Variants in FBXO2 observed in about 807,000 individuals in gnomAD.
FBXO2 encodes F-box only protein 2.
A neutral mutation model predicts 38.6 loss-of-function variants in FBXO2; 32 were observed. The observed-to-expected ratio is 0.83, with a 90% CI of 0.62 to 1.11. The LOEUF (loss-of-function observed/expected upper bound fraction) is 1.11. Ranked by LOEUF, FBXO2 falls within the 50% of genes most tolerant of loss-of-function variation. The probability of loss-of-function intolerance (pLI) is 0.00; values close to 1 mark genes in which losing one functional copy is unlikely to be tolerated. For missense variants in FBXO2, 450 were observed against 418.3 expected, an observed-to-expected ratio of 1.08 and a Z score of -0.66; for synonymous variants, 189 against 182.9, an observed-to-expected ratio of 1.03 and a Z score of -0.27.
intron 1 of FBXO2, 134 bp from the exon 2 acceptor site, chr1:11,650,968 TC>T: frequency 7.7e-7 from 1 of 1,297,664 alleles, no homozygotes; most frequent in Non-Finnish European, 1.0e-6. Flanking sequence ...ATTCTGTGAC[TC>T]CATACTGGTG....
chr1:11,652,590 G>A (rs144691017), intron 1 of FBXO2, among the ~76,000 whole-genome samples: 746 of 152,338 alleles, frequency 4.9e-3, no homozygotes, highest in Non-Finnish European at 8.0e-3. Flanking sequence ...TGAGTAAGTG[G>A]ACACCGAGTG....
chr1:11,648,754 G>C lies in FBXO2; in HGVS notation c.831C>G (p.Val277=), dbSNP rs368292378. 2.2e-5 allele frequency: 35 copies of C among 1,613,562 alleles called. No homozygotes were observed. In the African/African-American group the frequency reaches 4.7e-4, roughly 22 times the overall value. ...VRFEHGGQDS[V]YWKGWFGARV... ...GGGCCCCGAACCAGCCCTTCCAGTAGACGGAGTCCTGCCCCCCGTGCTCGA... is the reference window on the plus strand; with the variant it reads ...GGGCCCCGAACCAGCCCTTCCAGTACACGGAGTCCTGCCCCCCGTGCTCGA... The change falls in exon 6 of 6, where the codon GTC becomes GTG. Residue 277 remains valine, a synonymous_variant. Transcript: ENST00000354287. The surrounding 1 kb of genome is among the most constrained non-coding windows in gnomAD (Gnocchi z 4.2).
intron 1 of FBXO2, chr1:11,653,484 G>C (rs1639578081): frequency 6.6e-6 from 1 of 152,462 alleles, no homozygotes; most frequent in South Asian, 2.1e-4. Context: ...CCAGAAGGCC[G>C]TGGATTGGGA....
At chr1:11,653,562 A>C (rs988877337) in intron 1 of FBXO2, 10 of 152,162 alleles carry the variant, frequency 6.6e-5, no homozygotes, top group African/African-American at 2.4e-4. Context: ...GGGGGGCCTG[A>C]GCTTTCATCA....
At position 11,648,835 on chromosome 1, in the gene FBXO2, G is replaced by T; in HGVS notation, c.757-7C>A. 6.2e-7 allele frequency: 1 copy of T among 1,613,492 alleles called. No individual in the cohort carries two copies. The highest frequency in any genetic ancestry group is 8.5e-7 in the Non-Finnish European group (1 of 1,179,942). ...CGGTGAAGGTGTGGGAGATCTGGGG[G>T]TGGAGGTAACAAGAGTCAGCCTCGG... On this transcript the variant is annotated splice_region_variant and splice_polypyrimidine_tract_variant and intron_variant, in intron 5 of 5. Coordinates refer to ENST00000354287, the MANE Select transcript of FBXO2 (RefSeq NM_012168.6). This position sits in a 1 kb window ranked among gnomAD's most constrained non-coding sequence, Gnocchi z 4.2.
intron 2 of FBXO2, 53 bp from the exon 3 acceptor site, chr1:11,650,127 C>T: frequency 1.2e-6 from 2 of 1,603,786 alleles, no homozygotes; most frequent in South Asian, 1.1e-5. Context: ...CTAAGGCTGG[C>T]TCTTGCCACT....
chr1:11,651,583 C>T (rs765602721), intron 1 of FBXO2, among the ~76,000 whole-genome samples: 6 of 152,330 alleles, frequency 3.9e-5, no homozygotes, highest in South Asian at 4.1e-4. Context: ...CAGGATCACA[C>T]GGCTAATCAG....
chr1:11,648,782 C>T lies in FBXO2; in HGVS notation c.803G>A (p.Arg268His). ...TDYGPGVRFV[R>H]FEHGGQDSVY... ...GGAGTCCTGCCCCCCGTGCTCGAAG[C>T]GGACGAAGCGGACGCCCGGCCCGTA... Residue 268 changes from arginine to histidine, a missense_variant, in exon 6 of 6, where the codon CGC becomes CAC. By Grantham distance (29) the Arg-to-His change is conservative. Transcript: ENST00000354287. The surrounding 1 kb of genome is among the most constrained non-coding windows in gnomAD (Gnocchi z 4.2). 6.2e-7 allele frequency: 1 copy of T among 1,613,714 alleles called. No individual in the cohort carries two copies. Among genetic ancestry groups the T allele is most frequent in the Non-Finnish European group, 8.5e-7 (1 of 1,180,016 alleles).
chr1:11,652,778 C>T (rs943694169), intron 1 of FBXO2, among the ~76,000 whole-genome samples: 18 of 152,290 alleles, frequency 1.2e-4, no homozygotes, highest in African/African-American at 3.8e-4. Flanking sequence ...TGGCAGGACC[C>T]AGACCCAAGT....
chr1:11,650,758 C>A lies in FBXO2; in HGVS notation c.99G>T (p.Glu33Asp), dbSNP rs1160919295. The A allele has an allele frequency of 6.5e-7, 1 of 1,532,078 alleles. No individual in the cohort carries two copies. The highest frequency in any genetic ancestry group is 2.0e-5 in the Admixed American group (1 of 50,748). 94.9% of individuals were successfully genotyped at this position (1,532,078 alleles called of 1,614,324 possible). Residue 33 changes from glutamate (E) to aspartate (D), a missense_variant, in exon 2 of 6, where the codon GAG (glutamate) becomes GAT (aspartate). Glu to Asp is a conservative substitution (Grantham distance 45). Coordinates refer to ENST00000354287, the MANE Select transcript of FBXO2 (RefSeq NM_012168.6). ...CCGCCGCCTCCTCCTCCTGCTGGTC[C>A]TCCGGCCGCTCCTCCTCAGCACTCG... is the stretch of plus-strand genomic sequence containing the variant. ...EEASAEEERP[E>D]DQQEEEAAAA...
intron 1 of FBXO2, among the ~76,000 whole-genome samples, chr1:11,652,243 T>C (rs1205940419): frequency 6.6e-6 from 1 of 152,056 alleles, no homozygotes; most frequent in African/African-American, 2.4e-5. Context: ...CTTCAGGGGC[T>C]GGAGAACAGA....
intron 2 of FBXO2, 143 bp downstream of exon 2, chr1:11,650,323 T>C: frequency 1.4e-6 from 2 of 1,422,778 alleles, no homozygotes; most frequent in Non-Finnish European, 1.9e-6. Context: ...GCCAGAGAGC[T>C]ACAGTAATAG....
rs185536551 is a variant in FBXO2, at chr1:11,652,526, G to A, written c.23-1692C>T. ...AAGGAGGCAGGCAGATGTCACCGCG[G>A]CAGCCGGACTGTCTCTTGCATCCCA... On this transcript the variant is annotated intron_variant, in intron 1 of 5. Coordinates refer to ENST00000354287, the MANE Select transcript of FBXO2 (RefSeq NM_012168.6). Among the ~76,000 whole-genome samples, 17 of 152,348 alleles carry A rather than the reference G, an allele frequency of 1.1e-4. No individual in the cohort carries two copies. The East Asian group carries it at 3.1e-3, about 28-fold the overall frequency.
intron 5 of FBXO2, 83 bp downstream of exon 5, chr1:11,649,004 A>AGCCCAGCCCC: frequency 7.8e-7 from 1 of 1,283,838 alleles, no homozygotes; most frequent in Non-Finnish European, 1.1e-6. Context: ...ACCCCAGCCC[A>AGCCCAGCCCC]GGAGCGCTGT....
chr1:11,650,696 A>G lies in FBXO2; in HGVS notation c.161T>C (p.Leu54Pro). The stretch of plus-strand genomic sequence containing the variant: ...CAGTGCGGCCAGCACGCGCAGCAGC[A>G]GCGGCTCGGGCAGCTCGTCCAGGTA... Reference protein sequence around the residue: ...AAYLDELPEPLLLRVLAALPA... With the variant: ...AAYLDELPEPPLLRVLAALPA... The change falls in exon 2 of 6, where the codon CTG becomes CCG. Residue 54 changes from leucine to proline, a missense_variant. Transcript: ENST00000354287. 2.0e-6 allele frequency: 3 copies of G among 1,532,626 alleles called. No homozygotes were observed. The highest frequency in any genetic ancestry group is 2.6e-6 in the Non-Finnish European group (3 of 1,145,348). 94.9% of individuals were successfully genotyped at this position (1,532,626 alleles called of 1,614,324 possible).
Position 11,650,794 on chromosome 1 carries a change from C to A in FBXO2, c.63G>T (p.Gln21His), listed in dbSNP as rs1265318507. The change falls in exon 2 of 6, where the codon CAG becomes CAT. Residue 21 changes from glutamine to histidine, a missense_variant. Gln to His is a conservative substitution (Grantham distance 24, BLOSUM62 0). Coordinates refer to ENST00000354287, the MANE Select transcript of FBXO2 (RefSeq NM_012168.6). ...GQPEEASPEEQPEEASAEEER... is the reference protein window; with the variant it reads ...GQPEEASPEEHPEEASAEEER... ...CCTCCTCAGCACTCGCCTCCTCTGG[C>A]TGCTCCTCCGGGCTTGCCTCCTCGG... is the stretch of plus-strand genomic sequence containing the variant. The A allele has an allele frequency of 6.5e-7, 1 of 1,538,996 alleles. No individual in the cohort carries two copies. The highest frequency in any genetic ancestry group is 2.5e-5 in the East Asian group (1 of 40,816).
chr1:11,650,315 C>T, intron 2 of FBXO2, 151 bp downstream of exon 2: 1 of 1,410,712 alleles, frequency 7.1e-7, no homozygotes, highest in Non-Finnish European at 9.3e-7. Flanking sequence ...CACAGGTGGC[C>T]AGAGAGCTAC....
chr1:11,649,740 C>A, intron 4 of FBXO2, 39 bp downstream of exon 4: 1 of 1,602,520 alleles, frequency 6.2e-7, no homozygotes, highest in Non-Finnish European at 8.5e-7. Context: ...TGCCTTACCC[C>A]GCTCCTCCCA....
intron 1 of FBXO2, among the ~76,000 whole-genome samples, chr1:11,652,619 G>C (rs1639544387): frequency 1.3e-5 from 2 of 152,228 alleles, no homozygotes. Context: ...GCCTGGACGA[G>C]GGAGAGCCAG....
Sources: gnomAD v4.1 joint callset for allele counts (sites outside exome capture counted in the v4.1 genomes callset) on GRCh38, gnomAD v4.1.1 for gene constraint, Gnocchi (gnomAD v3.1) non-coding constraint, MANE v1.5 for transcripts, NCBI Gene and HGNC (gene_info 2026-07-23, HGNC 2026-07-21) for gene names.